The following CIMIP5 variants were observed in gnomAD, a reference collection of about 807,000 sequenced individuals.
The protein encoded by CIMIP5 is uncharacterized protein C2orf50.
chr2:11,136,573 G>C, the CIMIP5 span, among the ~76,000 whole-genome samples: 2 of 152,146 alleles, frequency 1.3e-5, no homozygotes, highest in Non-Finnish European at 2.9e-5. Context: ...ATCCAGAAGG[G>C]GAGGATGAGG....
chr2:11,143,969 C>A, the CIMIP5 span: 1 of 1,604,906 alleles, frequency 6.2e-7, no homozygotes, highest in South Asian at 1.1e-5. Flanking sequence ...CCTCTCTTTT[C>A]GGACACAGTT....
chr2:11,153,990 T>C, the CIMIP5 span, among the ~76,000 whole-genome samples: 1 of 152,140 alleles, frequency 6.6e-6, no homozygotes. Flanking sequence ...TATTTATTTA[T>C]TTTTGAGACA....
At chr2:11,140,374 TAAAAAA>T in the CIMIP5 span, 156 of 280,160 alleles carry the variant, frequency 5.6e-4, no homozygotes, top group Middle Eastern at 2.2e-3. Flanking sequence ...GCCTCCGTCT[TAAAAAA>T]AAAAAAAAAA....
chr2:11,150,828 T>C, the CIMIP5 span, among the ~76,000 whole-genome samples: 2 of 151,634 alleles, frequency 1.3e-5, no homozygotes, highest in South Asian at 4.2e-4. Context: ...GGAAATTCCT[T>C]GTGGGCCTCA....
the CIMIP5 span, among the ~76,000 whole-genome samples, chr2:11,139,722 A>C: frequency 1.3e-4 from 20 of 152,230 alleles, no homozygotes; most frequent in African/African-American, 4.8e-4. Context: ...TTGGAAATTG[A>C]AATGTTTGTT....
chr2:11,144,189 C>A, the CIMIP5 span: 1 of 1,280,058 alleles, frequency 7.8e-7, no homozygotes, highest in Non-Finnish European at 1.1e-6. Flanking sequence ...CAGCACCAGT[C>A]AGCTCCCCAC....
chr2:11,133,893 T>G, the CIMIP5 span, among the ~76,000 whole-genome samples: 27,954 of 151,962 alleles, frequency 0.18, 7,546 homozygotes, highest in African/African-American at 0.59. Context: ...TAGTCTGGGT[T>G]AGAGGAGCTG....
At chr2:11,134,505 G>A in the CIMIP5 span, among the ~76,000 whole-genome samples, 1 of 152,134 alleles carries the variant, frequency 6.6e-6, no homozygotes, top group African/African-American at 2.4e-5. Context: ...CCCAGCCTCT[G>A]GCACCCACCA....
chr2:11,147,012 A>T, the CIMIP5 span, among the ~76,000 whole-genome samples: 1 of 152,180 alleles, frequency 6.6e-6, no homozygotes, highest in African/African-American at 2.4e-5. Context: ...GCCTGTGCAG[A>T]GGGGAGAGAA....
the CIMIP5 span, among the ~76,000 whole-genome samples, chr2:11,147,230 T>C: frequency 2.9e-3 from 447 of 152,316 alleles, 2 homozygotes; most frequent in African/African-American, 0.01. Flanking sequence ...TTCAATCTGG[T>C]CAGGGTCTCA....
chr2:11,152,258 T>C, the CIMIP5 span, among the ~76,000 whole-genome samples: 2 of 152,232 alleles, frequency 1.3e-5, no homozygotes, highest in East Asian at 3.8e-4. Context: ...TCATTTCTAA[T>C]CTTGTAGCTA....
At chr2:11,149,024 G>T in the CIMIP5 span, among the ~76,000 whole-genome samples, 3 of 151,988 alleles carry the variant, frequency 2.0e-5, no homozygotes, top group Non-Finnish European at 2.9e-5. Context: ...ATGAGCCACT[G>T]CGCCTGGCCA....
the CIMIP5 span, chr2:11,133,225 G>A: frequency 1.5e-6 from 2 of 1,336,746 alleles, no homozygotes; most frequent in South Asian, 3.3e-5. Context: ...AGGCTCTCCC[G>A]GGGTTAGGAG....
At chr2:11,135,899 A>G in the CIMIP5 span, among the ~76,000 whole-genome samples, 2 of 152,084 alleles carry the variant, frequency 1.3e-5, no homozygotes, top group African/African-American at 4.8e-5. Context: ...TCATCTTTTA[A>G]TATATTTATT....
the CIMIP5 span, chr2:11,133,296 TC>T: frequency 6.5e-7 from 1 of 1,528,988 alleles, no homozygotes; most frequent in East Asian, 2.4e-5. Flanking sequence ...TCTCTCTCTC[TC>T]TCTGACACAA....
the CIMIP5 span, among the ~76,000 whole-genome samples, chr2:11,154,417 C>A: frequency 6.6e-6 from 1 of 152,098 alleles, no homozygotes; most frequent in African/African-American, 2.4e-5. Context: ...GGCCAGAATT[C>A]CGAACTCCGA....
chr2:11,141,353 T>C, the CIMIP5 span, among the ~76,000 whole-genome samples: 1 of 151,988 alleles, frequency 6.6e-6, no homozygotes, highest in Non-Finnish European at 1.5e-5. Flanking sequence ...GGTCTCGAAC[T>C]CCTGACCTCA....
chr2:11,140,955 T>C, the CIMIP5 span, among the ~76,000 whole-genome samples: 1 of 152,056 alleles, frequency 6.6e-6, no homozygotes, highest in Non-Finnish European at 1.5e-5. Context: ...ATCCTCCACA[T>C]TGCCACCAGA....
chr2:11,138,929 AT>A, the CIMIP5 span, among the ~76,000 whole-genome samples: 2 of 150,950 alleles, frequency 1.3e-5, no homozygotes, highest in Admixed American at 6.6e-5. Flanking sequence ...ATTTATTTTT[AT>A]TTTTTGAGAC....
Sources: gnomAD v4.1 joint callset for allele counts (sites outside exome capture counted in the v4.1 genomes callset) on GRCh38, gnomAD v4.1.1 for gene constraint, MANE v1.5 for transcripts, NCBI Gene and HGNC (gene_info 2026-07-23, HGNC 2026-07-21) for gene names.